The following RBPJ variants were observed in gnomAD, a reference collection of about 807,000 sequenced individuals.
The protein encoded by RBPJ is recombination signal binding protein for immunoglobulin kappa J region, also known as recombining binding protein suppressor of hairless.
In RBPJ, 9 loss-of-function variants were observed where a neutral mutation model predicts 67.8. That is an observed-to-expected ratio of 0.13 (90% CI 0.08 to 0.23). The LOEUF is 0.23. Among genes scored for constraint, RBPJ ranks in the 10% least tolerant of loss-of-function variants. The probability of loss-of-function intolerance (pLI) is 1.00; values close to 1 mark genes in which losing one functional copy is unlikely to be tolerated. For missense variants in RBPJ, 305 were observed against 595.6 expected (o/e 0.51, Z 5.08); for synonymous variants, 198 against 203.3 (o/e 0.97, Z 0.22).
intron 1 of RBPJ, among the ~76,000 whole-genome samples, chr4:26,221,561 TGA>T: frequency 6.6e-6 from 1 of 152,288 alleles, no homozygotes; most frequent in East Asian, 1.9e-4. Flanking sequence ...AGGTATAGAA[TGA>T]GAGAGACGGC....
intron 1 of RBPJ, among the ~76,000 whole-genome samples, chr4:26,382,421 A>C (rs1730418006): frequency 6.6e-6 from 1 of 152,250 alleles, no homozygotes; most frequent in Non-Finnish European, 1.5e-5. Context: ...TGGTAAGTGC[A>C]GGATGCATGT....
chr4:26,372,701 A>G (rs1027405531), intron 1 of RBPJ, among the ~76,000 whole-genome samples: 6 of 152,206 alleles, frequency 3.9e-5, no homozygotes, highest in African/African-American at 1.4e-4. Context: ...TACTTTAATC[A>G]GTGCTTGGTG....
the RBPJ span, among the ~76,000 whole-genome samples, chr4:26,107,413 A>G: frequency 2.6e-5 from 4 of 152,198 alleles, no homozygotes; most frequent in Non-Finnish European, 5.9e-5. Context: ...CCTCTCCCCA[A>G]GGTACTGCCT....
chr4:26,154,718 TATC>T, the RBPJ span, among the ~76,000 whole-genome samples: 1 of 152,234 alleles, frequency 6.6e-6, no homozygotes, highest in South Asian at 2.1e-4. Context: ...CAAAGCATAG[TATC>T]AGCATCTACT....
At chr4:26,409,914 A>C in intron 3 of RBPJ, 1 of 337,388 alleles carries the variant, frequency 3.0e-6, no homozygotes, top group Non-Finnish European at 5.7e-6. Context: ...AAAAATGATG[A>C]AAAGGCCAGA....
chr4:26,374,918 A>C (rs528578400), intron 1 of RBPJ, among the ~76,000 whole-genome samples: 17 of 152,292 alleles, frequency 1.1e-4, no homozygotes, highest in Admixed American at 7.2e-4. Context: ...AACATTTTGA[A>C]CTGAATTTAC....
intron 1 of RBPJ, among the ~76,000 whole-genome samples, chr4:26,245,042 C>T (rs1719881012): frequency 6.6e-6 from 1 of 151,392 alleles, no homozygotes; most frequent in Admixed American, 6.6e-5. Context: ...GAATCACCTT[C>T]TTAAAGTATA....
chr4:26,333,849 C>T lies in RBPJ; in HGVS notation c.20+12801C>T, dbSNP rs149907672. Among the ~76,000 whole-genome samples the T allele has an allele frequency of 2.8e-3, 431 of 152,210 alleles. 10 individuals carry two copies. The East Asian group carries it at 0.077, about 27-fold the overall frequency. ...GGACTACAGGCTTGCACTACCATGC[C>T]TGCCTAATTTTTATTTTTATTGTAG... On this transcript the variant is annotated intron_variant, in intron 1 of 10. Coordinates refer to ENST00000355476, the MANE Select transcript of RBPJ (RefSeq NM_015874.6).
At position 26,430,686 on chromosome 4, in the gene RBPJ, C is replaced by T. The variant is rs1249934251; in HGVS notation, c.1149-6C>T. ...TGTTTTTAAGTGATTTCTATTTCCT[C>T]CTCAGGTGTGGAGAGAGTATGCTCT... On this transcript the variant is annotated splice_region_variant and splice_polypyrimidine_tract_variant and intron_variant, in intron 10 of 10. Coordinates refer to ENST00000355476, the MANE Select transcript of RBPJ (RefSeq NM_015874.6). This position sits in a 1 kb window ranked among gnomAD's most constrained non-coding sequence, Gnocchi z 4.1. 1 of 1,612,726 alleles carries T rather than the reference C, an allele frequency of 6.2e-7. No individual in the cohort carries two copies. The highest frequency in any genetic ancestry group is 1.1e-5 in the South Asian group (1 of 91,002).
At chr4:26,245,989 G>A (rs1719915865) in intron 1 of RBPJ, among the ~76,000 whole-genome samples, 1 of 152,120 alleles carries the variant, frequency 6.6e-6, no homozygotes, top group African/African-American at 2.4e-5. Context: ...TTTTGAAATG[G>A]GAAAGGGTAA....
intron 4 of RBPJ, among the ~76,000 whole-genome samples, 180 bp downstream of exon 4, chr4:26,415,820 T>G (rs556367437): frequency 6.6e-6 from 1 of 152,190 alleles, no homozygotes; most frequent in African/African-American, 2.4e-5. Context: ...CTCATGAAGC[T>G]TACGCTGCTG....
chr4:26,270,437 G>GAAAGAAAGAAAGAAAGAAAGAA (rs757127437), intron 1 of RBPJ, among the ~76,000 whole-genome samples: 1 of 30,200 alleles, frequency 3.3e-5, no homozygotes, highest in African/African-American at 7.0e-5. Flanking sequence ...AAGAAAGAAA[G>GAAAGAAAGAAAGAAAGAAAGAA]AAGAAAGAAA....
the RBPJ span, among the ~76,000 whole-genome samples, chr4:26,110,089 C>A: frequency 6.6e-6 from 1 of 152,206 alleles, no homozygotes; most frequent in Non-Finnish European, 1.5e-5. This position sits in a 1 kb window ranked among gnomAD's most constrained non-coding sequence, Gnocchi z 4.5. Flanking sequence ...CTAGTTAAAA[C>A]TTACCCATTC....
chr4:26,361,573 C>G (rs936000561), intron 1 of RBPJ, among the ~76,000 whole-genome samples: 1 of 151,930 alleles, frequency 6.6e-6, no homozygotes, highest in Non-Finnish European at 1.5e-5. Flanking sequence ...CTAGGAAGCT[C>G]TTTTTATGGC....
intron 1 of RBPJ, among the ~76,000 whole-genome samples, chr4:26,258,764 AT>A (rs1224402421): frequency 6.6e-6 from 1 of 151,454 alleles, no homozygotes; most frequent in East Asian, 1.9e-4. Context: ...TAACTGAAAA[AT>A]ATCTGTGCCC....
intron 1 of RBPJ, among the ~76,000 whole-genome samples, chr4:26,171,450 C>A (rs1031475676): frequency 1.3e-5 from 2 of 152,146 alleles, no homozygotes; most frequent in Non-Finnish European, 2.9e-5. Context: ...TTCCTATAGT[C>A]CCAGCTACTT....
chr4:26,288,095 G>A (rs147909133), intron 1 of RBPJ, among the ~76,000 whole-genome samples: 3 of 152,176 alleles, frequency 2.0e-5, no homozygotes, highest in Non-Finnish European at 4.4e-5. Flanking sequence ...CAAAAGGATG[G>A]GTAGATAACT....
intron 1 of RBPJ, among the ~76,000 whole-genome samples, chr4:26,338,997 T>A (rs893341387): frequency 7.2e-5 from 11 of 151,812 alleles, no homozygotes; most frequent in African/African-American, 2.7e-4. Flanking sequence ...TTTTTTGTAT[T>A]TTTTTTAGAG....
At chr4:26,414,344 T>G (rs936954285) in intron 3 of RBPJ, among the ~76,000 whole-genome samples, 7 of 152,132 alleles carry the variant, frequency 4.6e-5, no homozygotes, top group African/African-American at 1.4e-4. Flanking sequence ...AATTTTTGTA[T>G]TTTTTGTAGA....
Sources: gnomAD v4.1 joint callset for allele counts (sites outside exome capture counted in the v4.1 genomes callset) on GRCh38, gnomAD v4.1.1 for gene constraint, Gnocchi (gnomAD v3.1) non-coding constraint, MANE v1.5 for transcripts, NCBI Gene and HGNC (gene_info 2026-07-23, HGNC 2026-07-21) for gene names.